HLTF: variants seen among roughly 807,000 people sequenced by gnomAD.
HLTF encodes the protein helicase like transcription factor.
HLTF carries 127 observed loss-of-function variants against 129.4 expected under a neutral mutation model. That is an observed-to-expected ratio of 0.98 (90% confidence interval 0.85 to 1.14). The LOEUF is 1.14. Ranked by LOEUF, HLTF falls within the 50% of genes most tolerant of loss-of-function variation. The pLI, the probability that HLTF is intolerant of heterozygous loss-of-function variation, is 0.00. For missense variants in HLTF, 1,139 were observed against 1,187.1 expected (o/e 0.96, Z 0.60); for synonymous variants, 332 against 388.8 (o/e 0.85, Z 1.72).
intron 2 of HLTF, among the ~76,000 whole-genome samples, chr3:149,076,938 C>A (rs1331293035): frequency 6.6e-6 from 1 of 152,060 alleles, no homozygotes; most frequent in African/African-American, 2.4e-5. Flanking sequence ...TCAGTCCCAT[C>A]CCCAGCAATC....
At chr3:149,076,068 A>G (rs1719324876) in intron 2 of HLTF, 21 bp from the exon 3 acceptor site, 2 of 884,212 alleles carry the variant, frequency 2.3e-6, no homozygotes, top group South Asian at 1.8e-5. Flanking sequence ...TGATAAACAG[A>G]TAATATTACA....
At position 149,080,545 on chromosome 3, in the gene HLTF, T is replaced by C. The variant is rs1576628794; in HGVS notation, c.228+4137A>G. 2.0e-5 allele frequency among the ~76,000 whole-genome samples: 3 copies of C among 152,108 alleles called. No homozygotes were observed. The South Asian group carries it at 6.2e-4, about 31-fold the overall frequency. ...CAGTCGCCACCCCTCTGCCACTGCCTACAGGATGATCTTTTTTAAACCGGA... is the reference window on the plus strand; with the variant it reads ...CAGTCGCCACCCCTCTGCCACTGCCCACAGGATGATCTTTTTTAAACCGGA... On this transcript the variant is annotated intron_variant, in intron 2 of 24. Coordinates refer to ENST00000310053, the MANE Select transcript of HLTF (RefSeq NM_003071.4).
intron 10 of HLTF, chr3:149,063,044 G>A: frequency 2.2e-6 from 1 of 456,502 alleles, no homozygotes; most frequent in Non-Finnish European, 4.4e-6. Context: ...AAGGGTCATG[G>A]TCATCTCTAT....
chr3:149,042,068 CA>C (rs1716173532), intron 19 of HLTF, 97 bp downstream of exon 19: 2 of 1,072,048 alleles, frequency 1.9e-6, no homozygotes, highest in South Asian at 3.0e-5. Context: ...TTTGACAGAA[CA>C]AAATAAACTA....
chr3:149,073,152 T>G, intron 5 of HLTF, 73 bp downstream of exon 5: 1 of 924,758 alleles, frequency 1.1e-6, no homozygotes, highest in Non-Finnish European at 1.7e-6. Flanking sequence ...TACATATTCA[T>G]CCTGTTCTTT....
Position 149,084,807 on chromosome 3 carries a change from G to A in HLTF, c.103C>T (p.Pro35Ser). 6.2e-7 allele frequency: 1 copy of A among 1,614,016 alleles called. No individual in the cohort carries two copies. The highest frequency in any genetic ancestry group is 8.5e-7 in the Non-Finnish European group (1 of 1,179,912). Residue 35 changes from proline to serine, a missense_variant, in exon 2 of 25, where the codon CCA becomes TCA. Transcript: ENST00000310053. ...FPRLSYPTFF[P>S]RFEFQDVIPP... ...ATAACATCTTGGAATTCAAAACGTG[G>A]AAAGAAAGTTGGATATGAGAGGCGT...
rs1719181633 is a variant in HLTF at position 149,074,611 on chromosome 3, A to G, written c.396-263T>C. ...TTTAAAAATGCAAGGATGGCCTGTA[A>G]ACAAGATTGTAATATAAGTAAAATA... On this transcript the variant is annotated intron_variant, in intron 3 of 24. Coordinates refer to ENST00000310053, the MANE Select transcript of HLTF (RefSeq NM_003071.4). Among the ~76,000 whole-genome samples, 4 of 152,222 alleles carry G rather than the reference A, an allele frequency of 2.6e-5. No individual in the cohort carries two copies. The South Asian group carries it at 8.3e-4, about 31-fold the overall frequency.
rs375760082 is a variant in HLTF at position 149,051,156 on chromosome 3, T to C, written c.1474-781A>G. ...TTGGGGACTAATGAAATATGAAATA[T>C]GAATAATAATAATAAGACTAAGATG... On this transcript the variant is annotated intron_variant, in intron 14 of 24. Transcript: ENST00000310053. Among the ~76,000 whole-genome samples the C allele has an allele frequency of 1.1e-4, 16 of 150,278 alleles. No homozygotes were observed. The South Asian group carries it at 3.3e-3, about 31-fold the overall frequency.
In HLTF at chr3:149,079,267, A is replaced by G. The variant is rs1719658962; in HGVS notation, c.229-3220T>C. Among the ~76,000 whole-genome samples the G allele has an allele frequency of 2.0e-5, 3 of 147,032 alleles. No homozygotes were observed. The South Asian group carries it at 6.5e-4, about 32-fold the overall frequency. ...ACTCTACACATATAAGAAGCTCAAC[A>G]ACTCCAACTAAAATAAACTCAAAGA... On this transcript the variant is annotated intron_variant, in intron 2 of 24. Transcript: ENST00000310053.
chr3:149,045,647 T>C (rs1329870329), intron 18 of HLTF, among the ~76,000 whole-genome samples: 1 of 152,220 alleles, frequency 6.6e-6, no homozygotes, highest in African/African-American at 2.4e-5. Context: ...CACAGTCCTA[T>C]TCTGCTTTCA....
At chr3:149,077,001 C>A (rs1373227115) in intron 2 of HLTF, among the ~76,000 whole-genome samples, 1 of 152,124 alleles carries the variant, frequency 6.6e-6, no homozygotes, top group Non-Finnish European at 1.5e-5. Context: ...ACGCCCCCAG[C>A]ACTTTGGGAG....
chr3:149,084,857 TGGACA>T lies in HLTF; in HGVS notation c.48_52del (p.Gln18TrpfsTer19). On this transcript the variant is annotated frameshift_variant, in exon 2 of 25. Coordinates refer to ENST00000310053, the MANE Select transcript of HLTF (RefSeq NM_003071.4). LOFTEE classifies it high-confidence loss of function. ...TGGAAAATTTCCATGAACTCCATAC[TGGACA>T]GTCTGCAAGTACTTCCAAACTGGAT... 1 of 1,614,066 alleles carries T rather than the reference TGGACA, an allele frequency of 6.2e-7. No homozygotes were observed. The highest frequency in any genetic ancestry group is 8.5e-7 in the Non-Finnish European group (1 of 1,179,928).
At position 149,039,665 on chromosome 3, in the gene HLTF, T is replaced by C. The variant is rs367867563; in HGVS notation, c.2531A>G (p.Asp844Gly). ...KINALMHALTDLRKKNPNIKS... is the reference protein window; with the variant it reads ...KINALMHALTGLRKKNPNIKS... The stretch of plus-strand genomic sequence containing the variant: ...TATGTTGGGATTCTTCTTTCTTAAG[T>C]CAGTCAATGCGTGCATTAGCGCATT... The change falls in exon 22 of 25, where the codon GAC becomes GGC. Residue 844 changes from aspartate (D) to glycine (G), a missense_variant. Transcript: ENST00000310053. The C allele has an allele frequency of 1.8e-5, 29 of 1,606,574 alleles. No homozygotes were observed. The highest frequency in any genetic ancestry group is 2.3e-5 in the Non-Finnish European group (27 of 1,176,008).
At chr3:149,064,936 T>A (rs1718229369) in intron 8 of HLTF, 70 bp from the exon 9 acceptor site, 1 of 863,938 alleles carries the variant, frequency 1.2e-6, no homozygotes, top group Middle Eastern at 2.3e-4. Flanking sequence ...GCATCCTGTT[T>A]TATATTGCTT....
At chr3:149,068,973 G>A (rs889820530) in intron 7 of HLTF, among the ~76,000 whole-genome samples, 1 of 152,038 alleles carries the variant, frequency 6.6e-6, no homozygotes, top group South Asian at 2.1e-4. Context: ...AGCCCTTCAC[G>A]AAAATGCAAA....
chr3:149,040,049 T>C lies in HLTF; in HGVS notation c.2484A>G (p.Glu828=), dbSNP rs1424016504. 2 of 1,611,372 alleles carry C rather than the reference T, an allele frequency of 1.2e-6. No individual in the cohort carries two copies. The highest frequency in any genetic ancestry group is 1.1e-5 in the South Asian group (1 of 90,748). Reference sequence around the variant, plus strand: ...ACTTTACCTTTGAACTGGATGTCCATTCCATATCAGACTTTTTCTCACTGT... The same window carrying C: ...ACTTTACCTTTGAACTGGATGTCCACTCCATATCAGACTTTTTCTCACTGT... The part of the protein sequence containing the change: ...ARDSEKKSDM[E]WTSSSKINAL... The change falls in exon 21 of 25, where the codon GAA becomes GAG. Residue 828 remains glutamate (E), a synonymous_variant. Coordinates refer to ENST00000310053, the MANE Select transcript of HLTF (RefSeq NM_003071.4).
rs562670009 is a variant in HLTF at position 149,033,893 on chromosome 3, CT to C, written c.2877+1024del. ...GTTTTAAATCATAAAAATTTTAAAG[CT>C]TTTTCATGACCAAAAAAATGCAGTT... On this transcript the variant is annotated intron_variant, in intron 24 of 24. Coordinates refer to ENST00000310053, the MANE Select transcript of HLTF (RefSeq NM_003071.4). Among the ~76,000 whole-genome samples the C allele has an allele frequency of 2.9e-3, 436 of 152,094 alleles. 5 individuals carry two copies. The South Asian group carries it at 0.036, about 12-fold the overall frequency.
At chr3:149,073,702 T>C (rs1045441529) in intron 4 of HLTF, among the ~76,000 whole-genome samples, 1 of 152,136 alleles carries the variant, frequency 6.6e-6, no homozygotes, top group Non-Finnish European at 1.5e-5. Context: ...TCTCAAAATA[T>C]ATACACAAAT....
At chr3:149,085,143 C>T (rs1222715142) in intron 1 of HLTF, among the ~76,000 whole-genome samples, 1 of 152,192 alleles carries the variant, frequency 6.6e-6, no homozygotes, top group Non-Finnish European at 1.5e-5. Flanking sequence ...TCAGAGTTCA[C>T]TAACCTCTTT....
Sources: allele counts gnomAD v4.1 joint callset (sites outside exome capture counted in the v4.1 genomes callset), GRCh38; gene constraint gnomAD v4.1.1; transcripts MANE v1.5; gene names NCBI Gene and HGNC (gene_info 2026-07-23, HGNC 2026-07-21).